CAMTA1: variants seen among roughly 807,000 people sequenced by gnomAD.
The protein encoded by CAMTA1 is calmodulin-binding transcription activator 1.
Under a neutral mutation model 170.9 loss-of-function variants are expected in CAMTA1, and 27 were observed. The ratio of observed to expected loss-of-function variants is 0.16; its 90% CI spans 0.12 to 0.22. The LOEUF is 0.22. Ranked by LOEUF, CAMTA1 falls within the 10% of genes least tolerant of loss-of-function variation. The probability of loss-of-function intolerance (pLI) is 1.00; values close to 1 mark genes in which losing one functional copy is unlikely to be tolerated. For synonymous variants in CAMTA1, 833 were observed against 891.5 expected (o/e 0.93, Z 1.17); for missense variants, 1,619 against 2,217.2 (o/e 0.73, Z 5.42).
intron 5 of CAMTA1, among the ~76,000 whole-genome samples, chr1:7,319,764 C>T (rs944720527): frequency 1.3e-5 from 2 of 152,194 alleles, no homozygotes; most frequent in Admixed American, 1.3e-4. Context: ...AAATAAAGTC[C>T]TTGCTCTCAA....
At position 7,007,840 on chromosome 1, in the gene CAMTA1, C is replaced by T. The variant is rs550368536; in HGVS notation, c.235-83464C>T. ...CATCAGCCCCACCTCTCCAGAGGCCCGGCACACAGTAGGCACTCAATGGTT... is the reference window on the plus strand; with the variant it reads ...CATCAGCCCCACCTCTCCAGAGGCCTGGCACACAGTAGGCACTCAATGGTT... On this transcript the variant is annotated intron_variant, in intron 3 of 22. Transcript: ENST00000303635. The surrounding 1 kb of genome is among the most constrained non-coding windows in gnomAD (Gnocchi z 4.5). 5.3e-5 allele frequency among the ~76,000 whole-genome samples: 8 copies of T among 152,296 alleles called. No homozygotes were observed. Among genetic ancestry groups the T allele is most frequent in the South Asian group, 4.1e-4 (2 of 4,830 alleles).
intron 3 of CAMTA1, among the ~76,000 whole-genome samples, chr1:7,053,595 G>A (rs980247882): frequency 2.0e-5 from 3 of 151,624 alleles, no homozygotes; most frequent in African/African-American, 4.8e-5. Context: ...ACCCCCACCC[G>A]CCAGGGCCCC....
chr1:6,981,286 C>T lies in CAMTA1; in HGVS notation c.235-110018C>T, dbSNP rs573121073. Among the ~76,000 whole-genome samples the T allele has an allele frequency of 4.6e-5, 7 of 152,254 alleles. No individual in the cohort carries two copies. The South Asian group carries it at 1.2e-3, about 27-fold the overall frequency. On this transcript the variant is annotated intron_variant, in intron 3 of 22. Transcript: ENST00000303635. ...TGGCCATTTCTAATAGTAGCACGTG[C>T]TCCTTGAAGAAAAGCTGAAAAATTC...
chr1:7,710,959 A>T (rs1283634688), intron 11 of CAMTA1, among the ~76,000 whole-genome samples: 1 of 152,188 alleles, frequency 6.6e-6, no homozygotes, highest in Non-Finnish European at 1.5e-5. Flanking sequence ...CTCATTCATA[A>T]GGCCTGGCTC....
At chr1:6,943,255 T>C (rs1686978882) in intron 3 of CAMTA1, among the ~76,000 whole-genome samples, 1 of 151,880 alleles carries the variant, frequency 6.6e-6, no homozygotes, top group Admixed American at 6.6e-5. Context: ...CAGGACACCA[T>C]GGTTCCTGGT....
chr1:7,595,539 C>A (rs369360504), intron 6 of CAMTA1, among the ~76,000 whole-genome samples: 2 of 152,200 alleles, frequency 1.3e-5, no homozygotes, highest in Non-Finnish European at 2.9e-5. Context: ...TGCTTCAGCA[C>A]CACGGAGCCC....
Position 7,180,089 on chromosome 1 carries a change from G to A in CAMTA1, c.303-69402G>A, listed in dbSNP as rs114873108. Among the ~76,000 whole-genome samples, 1,492 of 152,180 alleles carry A rather than the reference G, an allele frequency of 9.8e-3. 24 individuals are homozygous for A. The highest frequency in any genetic ancestry group is 0.034 in the African/African-American group (1,409 of 41,504). On this transcript the variant is annotated intron_variant, in intron 4 of 22. Coordinates refer to ENST00000303635, the MANE Select transcript of CAMTA1 (RefSeq NM_015215.4). ...TTTTTAAAAATTATGAGATTAGGCC[G>A]GGTGCGGTGGCTCACATCTGTAATC...
intron 6 of CAMTA1, among the ~76,000 whole-genome samples, chr1:7,493,063 GCACA>G (rs142846730): frequency 1.3e-5 from 1 of 77,874 alleles, no homozygotes; most frequent in Non-Finnish European, 2.7e-5. Context: ...ACACACGCGC[GCACA>G]CACACAGACA....
chr1:7,232,855 C>A (rs188078365), intron 4 of CAMTA1, among the ~76,000 whole-genome samples: 85 of 152,200 alleles, frequency 5.6e-4, no homozygotes, highest in African/African-American at 1.9e-3. Flanking sequence ...CGCGTGCAGC[C>A]TTATTCCCTT....
At chr1:6,950,183 G>C (rs1193436377) in intron 3 of CAMTA1, among the ~76,000 whole-genome samples, 2 of 152,332 alleles carry the variant, frequency 1.3e-5, no homozygotes, top group East Asian at 1.9e-4. Flanking sequence ...GCAGCAAGGA[G>C]GGGGACGGCC....
At chr1:7,472,085 C>T (rs904850181) in intron 6 of CAMTA1, among the ~76,000 whole-genome samples, 4 of 152,190 alleles carry the variant, frequency 2.6e-5, no homozygotes, top group African/African-American at 7.2e-5. Context: ...ATTGCCAGGC[C>T]GGAGCTGTTT....
chr1:7,298,039 TAAA>T lies in CAMTA1; in HGVS notation c.438+48415_438+48417del, dbSNP rs554675104. 5.4e-4 allele frequency among the ~76,000 whole-genome samples: 83 copies of T among 152,304 alleles called. 2 individuals are homozygous for T. The South Asian group carries it at 0.011, about 19-fold the overall frequency. On this transcript the variant is annotated intron_variant, in intron 5 of 22. Coordinates refer to ENST00000303635, the MANE Select transcript of CAMTA1 (RefSeq NM_015215.4). ...ATGTTTGTAGTCCTTTCAGTTGAAA[TAAA>T]ATTGAGTCAAACAATTTATAATCTG...
At chr1:7,581,830 G>A (rs2095263282) in intron 6 of CAMTA1, among the ~76,000 whole-genome samples, 1 of 152,202 alleles carries the variant, frequency 6.6e-6, no homozygotes, top group African/African-American at 2.4e-5. Context: ...ACTCTGTACT[G>A]AGGGGCTTTG....
At chr1:6,790,626 T>A (rs961923940) in intron 1 of CAMTA1, among the ~76,000 whole-genome samples, 1 of 152,142 alleles carries the variant, frequency 6.6e-6, no homozygotes, top group Admixed American at 6.6e-5. Flanking sequence ...TAGTAGATAG[T>A]GAGAACTGTA....
rs1006569426 is a variant in CAMTA1 at position 7,299,714 on chromosome 1, G to T, written c.438+50088G>T. Among the ~76,000 whole-genome samples the T allele has an allele frequency of 6.6e-6, 1 of 152,204 alleles. No individual in the cohort carries two copies. The highest frequency in any genetic ancestry group is 1.5e-5 in the Non-Finnish European group (1 of 68,026). On this transcript the variant is annotated intron_variant, in intron 5 of 22. Coordinates refer to ENST00000303635, the MANE Select transcript of CAMTA1 (RefSeq NM_015215.4). The surrounding 1 kb of genome is among the most constrained non-coding windows in gnomAD (Gnocchi z 4.7). ...AGTGCCCTGTACAAGCAGGGACTGTGGGTGAGAGGGTACAAGGAGGTGTTC... is the reference window on the plus strand; with the variant it reads ...AGTGCCCTGTACAAGCAGGGACTGTTGGTGAGAGGGTACAAGGAGGTGTTC...
At chr1:7,508,825 C>T (rs1053815765) in intron 6 of CAMTA1, among the ~76,000 whole-genome samples, 8 of 152,200 alleles carry the variant, frequency 5.3e-5, no homozygotes, top group African/African-American at 1.9e-4. Flanking sequence ...CATCCACACC[C>T]ACTTAGCCTG....
chr1:6,898,682 G>A (rs1676191166), intron 3 of CAMTA1, among the ~76,000 whole-genome samples: 1 of 152,188 alleles, frequency 6.6e-6, no homozygotes, highest in African/African-American at 2.4e-5. Context: ...GCTTCGTGAT[G>A]GTACAGATGC....
chr1:7,043,247 G>A (rs748048211), intron 3 of CAMTA1, among the ~76,000 whole-genome samples: 12 of 152,168 alleles, frequency 7.9e-5, no homozygotes, highest in Non-Finnish European at 1.2e-4. Flanking sequence ...CCCACCCTAC[G>A]CTCACCCTGA....
intron 5 of CAMTA1, among the ~76,000 whole-genome samples, chr1:7,439,105 G>A (rs1369803629): frequency 6.6e-6 from 1 of 152,158 alleles, no homozygotes; most frequent in Admixed American, 6.5e-5. Context: ...GCCCAGAGCT[G>A]CGTCCTCCCA....
Sources: gnomAD v4.1 joint callset for allele counts (sites outside exome capture counted in the v4.1 genomes callset) on GRCh38, gnomAD v4.1.1 for gene constraint, Gnocchi (gnomAD v3.1) non-coding constraint, MANE v1.5 for transcripts, NCBI Gene and HGNC (gene_info 2026-07-23, HGNC 2026-07-21) for gene names.